The following RIGI variants were observed in gnomAD, a reference collection of about 807,000 sequenced individuals.
RIGI encodes the protein RNA sensor RIG-I.
the RIGI span, chr9:32,488,715 A>C: frequency 6.5e-7 from 1 of 1,537,158 alleles, no homozygotes; most frequent in Non-Finnish European, 8.7e-7. Flanking sequence ...AAAGAAGTTG[A>C]AGCAACTATT....
At chr9:32,523,625 C>T in the RIGI span, among the ~76,000 whole-genome samples, 1 of 152,100 alleles carries the variant, frequency 6.6e-6, no homozygotes, top group Non-Finnish European at 1.5e-5. Context: ...TCCATTTCTC[C>T]CCATTCCTCC....
the RIGI span, among the ~76,000 whole-genome samples, chr9:32,508,161 A>T: frequency 6.7e-6 from 1 of 148,990 alleles, no homozygotes; most frequent in Non-Finnish European, 1.5e-5. Flanking sequence ...GAGGCAAGGG[A>T]TTTAACTCTT....
the RIGI span, among the ~76,000 whole-genome samples, chr9:32,494,648 A>G: frequency 2.6e-5 from 4 of 152,082 alleles, no homozygotes; most frequent in African/African-American, 7.2e-5. Context: ...TCACCTTGCA[A>G]ATCTAAAACT....
chr9:32,461,004 A>G, the RIGI span, among the ~76,000 whole-genome samples: 4 of 151,384 alleles, frequency 2.6e-5, no homozygotes, highest in Non-Finnish European at 5.9e-5. Context: ...GTTATAATTA[A>G]ATTTATGAAA....
the RIGI span, among the ~76,000 whole-genome samples, chr9:32,466,816 T>G: frequency 6.6e-6 from 1 of 151,834 alleles, no homozygotes; most frequent in Admixed American, 6.6e-5. Context: ...GCAGGGTGAT[T>G]AGACAGCCGT....
At chr9:32,518,321 T>C in the RIGI span, among the ~76,000 whole-genome samples, 1 of 151,190 alleles carries the variant, frequency 6.6e-6, no homozygotes, top group Non-Finnish European at 1.5e-5. Context: ...ATAAAGAAAA[T>C]AATTTTGTAT....
the RIGI span, among the ~76,000 whole-genome samples, chr9:32,523,936 C>T: frequency 6.6e-6 from 1 of 151,930 alleles, no homozygotes; most frequent in Admixed American, 6.6e-5. Context: ...TTCTGGATAC[C>T]TGGAACACTC....
chr9:32,518,082 T>A, the RIGI span, among the ~76,000 whole-genome samples: 2 of 152,108 alleles, frequency 1.3e-5, no homozygotes, highest in Non-Finnish European at 2.9e-5. Context: ...TTAAGGTTGT[T>A]ACTAAGGATA....
the RIGI span, among the ~76,000 whole-genome samples, chr9:32,506,112 GGAGGCT>G: frequency 6.6e-6 from 1 of 152,130 alleles, no homozygotes; most frequent in Non-Finnish European, 1.5e-5. Context: ...CAGCTACTCA[GGAGGCT>G]GAGGTAGGAA....
chr9:32,465,272 G>C, the RIGI span, among the ~76,000 whole-genome samples: 1 of 152,148 alleles, frequency 6.6e-6, no homozygotes, highest in Non-Finnish European at 1.5e-5. Context: ...GAAGAAAAAT[G>C]TTTTTAGACT....
At chr9:32,467,933 C>CTG in the RIGI span, 1 of 1,582,174 alleles carries the variant, frequency 6.3e-7, no homozygotes, top group South Asian at 1.1e-5. Flanking sequence ...AGGGTCATTC[C>CTG]TGTGTCAGAG....
the RIGI span, chr9:32,488,950 G>T: frequency 4.9e-6 from 7 of 1,438,790 alleles, no homozygotes; most frequent in East Asian, 4.8e-5. Flanking sequence ...CTCTGGAAAG[G>T]TGTTTATTTT....
the RIGI span, chr9:32,457,467 G>T: frequency 3.3e-5 from 40 of 1,223,708 alleles, no homozygotes; most frequent in East Asian, 5.3e-5. Flanking sequence ...GTTAGAACCA[G>T]TACATAATTG....
At chr9:32,458,328 G>A in the RIGI span, among the ~76,000 whole-genome samples, 4 of 152,138 alleles carry the variant, frequency 2.6e-5, no homozygotes, top group Admixed American at 2.0e-4. Context: ...TTATAAAAGT[G>A]ATCCATAGCC....
the RIGI span, chr9:32,489,524 T>C: frequency 1.2e-6 from 1 of 842,032 alleles, no homozygotes; most frequent in Non-Finnish European, 1.9e-6. Flanking sequence ...TACAGTCTAA[T>C]GTCCACAAAT....
chr9:32,485,208 C>T, the RIGI span: 1 of 1,608,618 alleles, frequency 6.2e-7, no homozygotes, highest in Non-Finnish European at 8.5e-7. Flanking sequence ...GCCAGACTCT[C>T]TGTGTCCCTC....
the RIGI span, among the ~76,000 whole-genome samples, chr9:32,513,340 A>C: frequency 6.6e-6 from 1 of 152,244 alleles, no homozygotes; most frequent in African/African-American, 2.4e-5. Flanking sequence ...GGCTACAGTA[A>C]TCAAAAGAGC....
the RIGI span, among the ~76,000 whole-genome samples, chr9:32,504,362 G>A: frequency 6.6e-6 from 1 of 152,182 alleles, no homozygotes; most frequent in African/African-American, 2.4e-5. Context: ...TCTGGTCCCT[G>A]ACTGAATCCT....
chr9:32,464,939 T>G, the RIGI span, among the ~76,000 whole-genome samples: 8 of 152,202 alleles, frequency 5.3e-5, no homozygotes, highest in African/African-American at 1.9e-4. Context: ...TATCCTGGTG[T>G]GCTGGCTACA....
Sources: allele counts gnomAD v4.1 joint callset (sites outside exome capture counted in the v4.1 genomes callset), GRCh38; gene constraint gnomAD v4.1.1; transcripts MANE v1.5; gene names NCBI Gene and HGNC (gene_info 2026-07-23, HGNC 2026-07-21).